SPAG16: variants seen among roughly 807,000 people sequenced by gnomAD.
SPAG16 encodes sperm-associated antigen 16 protein.
In SPAG16, 86 loss-of-function variants were observed where a neutral mutation model predicts 80.4. The observed-to-expected ratio is 1.07, with a 90% CI of 0.90 to 1.28. SPAG16 has a LOEUF of 1.28. Ranked by LOEUF, SPAG16 falls within the 50% of genes most tolerant of loss-of-function variation. The pLI is 0.00. For missense variants in SPAG16, 870 were observed against 765.3 expected, an observed-to-expected ratio of 1.14 and a Z score of -1.61; for synonymous variants, 294 against 265.9, an observed-to-expected ratio of 1.11 and a Z score of -1.03.
At chr2:214,285,794 C>T (rs187322199) in intron 15 of SPAG16, among the ~76,000 whole-genome samples, 83 of 152,116 alleles carry the variant, frequency 5.5e-4, no homozygotes, top group African/African-American at 2.0e-3. Flanking sequence ...TAATGCAAGA[C>T]TCCATCTCAA....
At chr2:213,828,656 G>T (rs751964230) in intron 10 of SPAG16, among the ~76,000 whole-genome samples, 1 of 152,146 alleles carries the variant, frequency 6.6e-6, no homozygotes, top group African/African-American at 2.4e-5. Context: ...GTTTGTACCT[G>T]TCCTTGTTCA....
chr2:214,234,082 C>A (rs1028494288), intron 15 of SPAG16, among the ~76,000 whole-genome samples: 4 of 151,802 alleles, frequency 2.6e-5, no homozygotes, highest in African/African-American at 7.3e-5. Context: ...TTTCCCCCCC[C>A]ATGTGTCCAT....
intron 10 of SPAG16, among the ~76,000 whole-genome samples, chr2:213,661,314 C>T (rs573360131): frequency 6.6e-6 from 1 of 152,256 alleles, no homozygotes; most frequent in African/African-American, 2.4e-5. Flanking sequence ...TTATAGATTG[C>T]TTTCTCACTG....
chr2:213,304,816 A>C (rs1034703615), intron 3 of SPAG16, among the ~76,000 whole-genome samples: 2 of 152,034 alleles, frequency 1.3e-5, no homozygotes, highest in African/African-American at 4.8e-5. Flanking sequence ...TGATTCGTGC[A>C]GTTTCCTTCT....
intron 5 of SPAG16, among the ~76,000 whole-genome samples, chr2:213,335,945 C>G (rs1246009013): frequency 7.1e-6 from 1 of 140,266 alleles, no homozygotes; most frequent in African/African-American, 2.7e-5. Context: ...CTCTGTGGCT[C>G]CCACCAAGAA....
chr2:213,901,015 T>G (rs1575498257), intron 11 of SPAG16, among the ~76,000 whole-genome samples: 1 of 152,188 alleles, frequency 6.6e-6, no homozygotes, highest in East Asian at 1.9e-4. Context: ...ATATTTTGTA[T>G]CATTCATTTT....
chr2:214,045,069 C>T (rs746662347), intron 13 of SPAG16, among the ~76,000 whole-genome samples: 9 of 152,172 alleles, frequency 5.9e-5, no homozygotes, highest in Non-Finnish European at 1.0e-4. Context: ...GGGTGGTAAG[C>T]GAGTGCTTAT....
intron 10 of SPAG16, among the ~76,000 whole-genome samples, chr2:213,795,996 T>C (rs2071003874): frequency 6.6e-6 from 1 of 152,138 alleles, no homozygotes; most frequent in Non-Finnish European, 1.5e-5. Context: ...GTATTCCAGA[T>C]CATGAATTGT....
intron 13 of SPAG16, among the ~76,000 whole-genome samples, chr2:214,077,030 G>A (rs2051115502): frequency 6.6e-6 from 1 of 152,134 alleles, no homozygotes; most frequent in Non-Finnish European, 1.5e-5. Flanking sequence ...GGAGAGCCTG[G>A]AATCTAGAAG....
At chr2:213,390,503 A>G (rs1466851811) in intron 9 of SPAG16, among the ~76,000 whole-genome samples, 1 of 152,236 alleles carries the variant, frequency 6.6e-6, no homozygotes, top group Non-Finnish European at 1.5e-5. Flanking sequence ...CAGTATGTAC[A>G]ACAAATATGT....
intron 15 of SPAG16, among the ~76,000 whole-genome samples, chr2:214,299,607 G>T (rs1048105477): frequency 1.3e-5 from 2 of 152,060 alleles, no homozygotes; most frequent in Non-Finnish European, 2.9e-5. Flanking sequence ...AAAAATAATA[G>T]TAAAAAATTT....
At chr2:214,381,370 T>A (rs1398086545) in intron 15 of SPAG16, among the ~76,000 whole-genome samples, 1 of 152,214 alleles carries the variant, frequency 6.6e-6, no homozygotes, top group Non-Finnish European at 1.5e-5. Context: ...CCTTTCCATG[T>A]GGGCAAGTTC....
At chr2:214,351,757 A>G (rs1240257667) in intron 15 of SPAG16, among the ~76,000 whole-genome samples, 1 of 132,246 alleles carries the variant, frequency 7.6e-6, no homozygotes, top group African/African-American at 2.5e-5. Context: ...ACAGTGATGC[A>G]TGGGAAAATT....
At chr2:213,386,572 T>C (rs1323312588) in intron 9 of SPAG16, among the ~76,000 whole-genome samples, 2 of 152,212 alleles carry the variant, frequency 1.3e-5, no homozygotes, top group African/African-American at 4.8e-5. Context: ...TAGACAATTG[T>C]ATATCTTTAC....
At chr2:213,404,091 A>G (rs978890263) in intron 9 of SPAG16, among the ~76,000 whole-genome samples, 28 of 152,316 alleles carry the variant, frequency 1.8e-4, no homozygotes, top group African/African-American at 6.5e-4. Flanking sequence ...TTCCATGCTC[A>G]TGGGTAGGAA....
chr2:213,520,542 C>T (rs1442679188), intron 10 of SPAG16, among the ~76,000 whole-genome samples: 2 of 151,682 alleles, frequency 1.3e-5, no homozygotes, highest in African/African-American at 4.9e-5. Flanking sequence ...TGCAGTGAGC[C>T]GAGATCACAC....
chr2:214,260,635 C>T (rs2125870482), intron 15 of SPAG16, among the ~76,000 whole-genome samples: 1 of 152,238 alleles, frequency 6.6e-6, no homozygotes, highest in African/African-American at 2.4e-5. Context: ...CAGCTAACTC[C>T]TGGGATTCTC....
At chr2:214,268,882 C>T (rs1691786920) in intron 15 of SPAG16, among the ~76,000 whole-genome samples, 1 of 151,896 alleles carries the variant, frequency 6.6e-6, no homozygotes, top group Non-Finnish European at 1.5e-5. Flanking sequence ...TTTCCCTATG[C>T]TATTCGGCAG....
intron 15 of SPAG16, among the ~76,000 whole-genome samples, chr2:214,316,655 ATAACTC>A (rs1690464981): frequency 6.6e-6 from 1 of 152,220 alleles, no homozygotes; most frequent in Non-Finnish European, 1.5e-5. Flanking sequence ...ATTAAATTCT[ATAACTC>A]TAATCCAAAT....
Sources: gnomAD v4.1 joint callset for allele counts (sites outside exome capture counted in the v4.1 genomes callset) on GRCh38, gnomAD v4.1.1 for gene constraint, MANE v1.5 for transcripts, NCBI Gene and HGNC (gene_info 2026-07-23, HGNC 2026-07-21) for gene names.